The following LZTS1 variants were observed in gnomAD, a reference collection of about 807,000 sequenced individuals.
The protein encoded by LZTS1 is leucine zipper tumor suppressor 1, also known as leucine zipper putative tumor suppressor 1.
Under a neutral mutation model 45.8 loss-of-function variants are expected in LZTS1, and 31 were observed. The ratio of observed to expected loss-of-function variants is 0.68; its 90% CI spans 0.51 to 0.91. The LOEUF is 0.91. Ranked by LOEUF, LZTS1 falls within the 40% of genes least tolerant of loss-of-function variation. The pLI is 0.00. For missense variants in LZTS1, 821 were observed against 788.9 expected (o/e 1.04, Z -0.49); for synonymous variants, 359 against 357.3 (o/e 1.00, Z -0.05).
chr8:20,247,074 T>G lies in LZTS1; in HGVS notation c.*2648A>C, dbSNP rs1280779580. The G allele has an allele frequency of 1.3e-5, 2 of 152,424 alleles. No homozygotes were observed. Among genetic ancestry groups the G allele is most frequent in the African/African-American group, 4.8e-5 (2 of 41,454 alleles). The allele number at this position is 152,424 out of a possible 1,614,324, so 9.4% of individuals were successfully genotyped here. On this transcript the variant is annotated 3_prime_UTR_variant, in exon 4 of 4. Transcript: ENST00000381569. ...GGATACTTGCATTCTAGTGCCACGG[T>G]GGGCCACTCTGGGGCGGGGGCTGGT...
chr8:20,252,790 G>A lies in LZTS1; in HGVS notation c.1141C>T (p.Gln381Ter). Residue 381 changes from glutamine to a stop codon, truncating the protein, a stop_gained, in exon 3 of 4, where the codon CAG becomes TAG. Transcript: ENST00000381569. LOFTEE classifies it high-confidence loss of function. ...GCCCTGTGTGGCCTCACCTCCCACT[G>A]GGTCTCCTCCAGCGCGGGGCCGAAG... ...TSFGPALEET[Q>*]WEVCQKSGEI... The A allele has an allele frequency of 6.6e-7, 1 of 1,515,004 alleles. No homozygotes were observed. Among genetic ancestry groups the A allele is most frequent in the South Asian group, 1.3e-5 (1 of 75,822 alleles). 93.8% of individuals were successfully genotyped at this position (1,515,004 alleles called of 1,614,324 possible). A position where few individuals can be genotyped will look rare whatever the true frequency, so the allele number is the denominator to read the frequency against.
intron 2 of LZTS1, 146 bp downstream of exon 2, chr8:20,254,691 G>A: frequency 1.5e-6 from 1 of 651,276 alleles, no homozygotes; most frequent in East Asian, 2.7e-5. Context: ...GTGGCCACAG[G>A]CTTCCGCCGG....
intron 1 of LZTS1, among the ~76,000 whole-genome samples, chr8:20,284,143 C>G (rs1800745758): frequency 6.6e-6 from 1 of 152,152 alleles, no homozygotes; most frequent in Non-Finnish European, 1.5e-5. Context: ...TTCATCATCT[C>G]CCCATGGGCA....
At chr8:20,301,727 A>T (rs1165339992) in intron 1 of LZTS1, among the ~76,000 whole-genome samples, 1 of 151,960 alleles carries the variant, frequency 6.6e-6, no homozygotes, top group African/African-American at 2.4e-5. Flanking sequence ...CTCCCAAAGC[A>T]TTGGCTTTCC....
chr8:20,265,818 G>A (rs538643084), intron 1 of LZTS1, among the ~76,000 whole-genome samples: 84 of 152,120 alleles, frequency 5.5e-4, no homozygotes, highest in Non-Finnish European at 9.0e-4. Context: ...GCAGAGGGCA[G>A]GAAGTTCCCT....
At position 20,249,961 on chromosome 8, in the gene LZTS1, GGCCTTGCCGCTCCTCCCGCA is replaced by G; in HGVS notation, c.1532_1551del (p.Leu511ProfsTer2). The G allele has an allele frequency of 6.2e-7, 1 of 1,614,072 alleles. No homozygotes were observed. On this transcript the variant is annotated frameshift_variant, in exon 4 of 4. Coordinates refer to ENST00000381569, the MANE Select transcript of LZTS1 (RefSeq NM_021020.5). LOFTEE classifies it high-confidence loss of function. The stretch of plus-strand genomic sequence containing the variant: ...TGGAAGCCCGAGGACATCTGGTCAT[GGCCTTGCCGCTCCTCCCGCA>G]GCTCGGCCCGCAGCCGCTCCAGCTC...
At chr8:20,282,240 C>T (rs1269304571) in intron 1 of LZTS1, among the ~76,000 whole-genome samples, 1 of 152,198 alleles carries the variant, frequency 6.6e-6, no homozygotes, top group Non-Finnish European at 1.5e-5. Flanking sequence ...CTTCAAGTTT[C>T]AGAGAGGAAG....
chr8:20,297,607 G>A (rs1470262344), intron 1 of LZTS1, among the ~76,000 whole-genome samples: 1 of 152,120 alleles, frequency 6.6e-6, no homozygotes, highest in Non-Finnish European at 1.5e-5. Context: ...ATAGAGATGG[G>A]ATTTCGCCAT....
At chr8:20,266,360 A>C (rs1800354441) in intron 1 of LZTS1, among the ~76,000 whole-genome samples, 1 of 152,164 alleles carries the variant, frequency 6.6e-6, no homozygotes, top group South Asian at 2.1e-4. Context: ...CCAGCTCATA[A>C]GGAGGCACAG....
At chr8:20,258,254 C>T (rs987816499) in intron 1 of LZTS1, among the ~76,000 whole-genome samples, 1 of 152,300 alleles carries the variant, frequency 6.6e-6, no homozygotes, top group South Asian at 2.1e-4. Flanking sequence ...CTCTGTTCTT[C>T]GCTGAGCTCT....
Position 20,249,970 on chromosome 8 carries a change from G to A in LZTS1, c.1543C>T (p.Arg515Trp), listed in dbSNP as rs1162982161. The part of the protein sequence containing the change: ...ERLRAELREE[R>W]QGHDQMSSGF... ...GAGGACATCTGGTCATGGCCTTGCC[G>A]CTCCTCCCGCAGCTCGGCCCGCAGC... Residue 515 changes from arginine (R) to tryptophan (W), a missense_variant, in exon 4 of 4, where the codon CGG becomes TGG. Physicochemically the swap from Arg to Trp is moderately radical, Grantham distance 101. Coordinates refer to ENST00000381569, the MANE Select transcript of LZTS1 (RefSeq NM_021020.5). 8 of 1,613,892 alleles carry A rather than the reference G, an allele frequency of 5.0e-6. No homozygotes were observed. Among genetic ancestry groups the A allele is most frequent in the East Asian group, 4.5e-5 (2 of 44,872 alleles).
intron 1 of LZTS1, among the ~76,000 whole-genome samples, chr8:20,285,731 A>G (rs1800781992): frequency 1.3e-5 from 2 of 152,222 alleles, no homozygotes. Flanking sequence ...AAGAATAACC[A>G]AGACCATTTG....
At chr8:20,253,649 C>A in intron 2 of LZTS1, 64 bp from the exon 3 acceptor site, 1 of 1,319,978 alleles carries the variant, frequency 7.6e-7, no homozygotes, top group South Asian at 1.6e-5. Context: ...CCCTCCCTCC[C>A]CAGGCACGCG....
intron 1 of LZTS1, among the ~76,000 whole-genome samples, chr8:20,301,505 T>C (rs867087908): frequency 2.0e-5 from 3 of 152,188 alleles, no homozygotes; most frequent in African/African-American, 4.8e-5. Flanking sequence ...ACATTATTCA[T>C]CTTCCTAGCC....
chr8:20,281,177 C>T (rs937532236), intron 1 of LZTS1, among the ~76,000 whole-genome samples: 3 of 152,250 alleles, frequency 2.0e-5, no homozygotes, highest in Non-Finnish European at 4.4e-5. Flanking sequence ...ATGTTTGTCC[C>T]CTCCAAATCT....
At chr8:20,255,390 T>C in intron 1 of LZTS1, 75 bp from the exon 2 acceptor site, 2 of 1,087,324 alleles carry the variant, frequency 1.8e-6, no homozygotes, top group South Asian at 3.5e-5. Flanking sequence ...GACTTCCAGA[T>C]CTGGGCAGTA....
At chr8:20,299,610 A>G (rs1268511887) in intron 1 of LZTS1, among the ~76,000 whole-genome samples, 1 of 152,206 alleles carries the variant, frequency 6.6e-6, no homozygotes, top group African/African-American at 2.4e-5. Flanking sequence ...AACTTGATCA[A>G]TGATCTTTAA....
rs377011378 is a variant in LZTS1 at position 20,250,055 on chromosome 8, G to T, written c.1458C>A (p.Arg486=). Residue 486 remains arginine, a synonymous_variant, in exon 4 of 4, where the codon CGC becomes CGA. Transcript: ENST00000381569. The part of the protein sequence containing the change: ...QELRAQAALA[R]DMGPPTFPED... ...CGGGGAAGGTGGGCGGCCCCATGTC[G>T]CGGGCCAGGGCGGCCTGGGCCCGCA... 12 of 1,607,494 alleles carry T rather than the reference G, an allele frequency of 7.5e-6. No individual in the cohort carries two copies. Among genetic ancestry groups the T allele is most frequent in the African/African-American group, 4.0e-5 (3 of 74,838 alleles).
Position 20,254,875 on chromosome 8 carries a change from G to C in LZTS1, c.307C>G (p.Pro103Ala). Residue 103 changes from proline to alanine, a missense_variant, in exon 2 of 4, where the codon CCC becomes GCC. Pro to Ala is a conservative substitution (Grantham distance 27). Transcript: ENST00000381569. Reference sequence around the variant, plus strand: ...TTGGAGAAGGGCATGAGCTTGGGGGGTGTGGACGGGTCAAAGTCCACCCCA... The same window carrying C: ...TTGGAGAAGGGCATGAGCTTGGGGGCTGTGGACGGGTCAAAGTCCACCCCA... ...QAGVDFDPST[P>A]PKLMPFSNQL... is the part of the protein sequence containing the mutation. The C allele has an allele frequency of 1.2e-6, 2 of 1,614,008 alleles. No individual in the cohort carries two copies. The highest frequency in any genetic ancestry group is 2.2e-5 in the East Asian group (1 of 44,878).
Sources: allele counts gnomAD v4.1 joint callset (sites outside exome capture counted in the v4.1 genomes callset), GRCh38; gene constraint gnomAD v4.1.1; transcripts MANE v1.5; gene names NCBI Gene and HGNC (gene_info 2026-07-23, HGNC 2026-07-21).